SDK1: variants seen among roughly 807,000 people sequenced by gnomAD.
The protein encoded by SDK1 is protein sidekick-1.
In SDK1, 157 loss-of-function variants were observed where a neutral mutation model predicts 245.5. The ratio of observed to expected loss-of-function variants is 0.64; its 90% CI spans 0.56 to 0.73. The LOEUF (loss-of-function observed/expected upper bound fraction) is 0.73, where lower values mean the gene tolerates loss of function less well. Ranked by LOEUF, SDK1 falls within the 30% of genes least tolerant of loss-of-function variation. SDK1 has a pLI of 0.00. For missense variants in SDK1, 3,583 were observed against 3,002.3 expected (o/e 1.19, Z -4.52); for synonymous variants, 1,647 against 1,278.5 (o/e 1.29, Z -6.15).
intron 5 of SDK1, among the ~76,000 whole-genome samples, chr7:3,830,090 C>G (rs17259867): frequency 0.15 from 23,536 of 152,042 alleles, 1,944 homozygotes; most frequent in Middle Eastern, 0.31. Flanking sequence ...GACTGATGTG[C>G]GTGATTACAC....
intron 1 of SDK1, among the ~76,000 whole-genome samples, chr7:3,469,995 C>G (rs1001481148): frequency 6.6e-6 from 1 of 152,168 alleles, no homozygotes; most frequent in East Asian, 1.9e-4. Flanking sequence ...ACACAAAATG[C>G]ATGCAGTAAT....
intron 42 of SDK1, among the ~76,000 whole-genome samples, chr7:4,239,487 C>T (rs1041158799): frequency 6.6e-6 from 1 of 152,238 alleles, no homozygotes; most frequent in African/African-American, 2.4e-5. Flanking sequence ...AATGAGACCA[C>T]TTCTCTGGAT....
rs73288338 is a variant in SDK1 at position 3,315,151 on chromosome 7, A to G, written c.298+13267A>G. Among the ~76,000 whole-genome samples, 900 of 152,312 alleles carry G rather than the reference A, an allele frequency of 5.9e-3. 9 individuals carry two copies. The highest frequency in any genetic ancestry group is 0.021 in the African/African-American group (871 of 41,570). On this transcript the variant is annotated intron_variant, in intron 1 of 44. Coordinates refer to ENST00000404826, the MANE Select transcript of SDK1 (RefSeq NM_152744.4). ...ATGAGAAGACTACAATGTTAGTATT[A>G]AAAAGGATGTTTAGAAGTAGCTCTA...
At chr7:4,009,766 A>C (rs1416451797) in intron 14 of SDK1, among the ~76,000 whole-genome samples, 2 of 152,270 alleles carry the variant, frequency 1.3e-5, no homozygotes, top group Non-Finnish European at 2.9e-5. Flanking sequence ...AATTAGTGAT[A>C]GACACCTCTG....
chr7:3,695,525 T>C (rs927638019), intron 4 of SDK1, among the ~76,000 whole-genome samples: 2 of 152,198 alleles, frequency 1.3e-5, no homozygotes, highest in East Asian at 3.8e-4. Flanking sequence ...ATATCATAGG[T>C]GTTTTCATTT....
intron 36 of SDK1, among the ~76,000 whole-genome samples, chr7:4,207,681 G>C (rs1231862922): frequency 7.2e-5 from 11 of 152,050 alleles, no homozygotes; most frequent in Admixed American, 7.2e-4. Context: ...ACACGGGGCG[G>C]CTTCCCTTCT....
intron 5 of SDK1, among the ~76,000 whole-genome samples, chr7:3,910,929 C>T (rs1276774571): frequency 6.6e-6 from 1 of 152,198 alleles, no homozygotes; most frequent in African/African-American, 2.4e-5. Context: ...TCCTGGGGCC[C>T]TGTGGCTCCT....
Position 3,742,002 on chromosome 7 carries a change from A to ATATATG in SDK1, c.714-79443_714-79442insGTATAT, listed in dbSNP as rs1289423429. On this transcript the variant is annotated intron_variant, in intron 4 of 44. Coordinates refer to ENST00000404826, the MANE Select transcript of SDK1 (RefSeq NM_152744.4). ...TTGTAGTGTGCATATATATATATAT[A>ATATATG]TATATATATATGCTGTATTTTTAAA... Among the ~76,000 whole-genome samples, 16 of 147,732 alleles carry ATATATG rather than the reference A, an allele frequency of 1.1e-4. No homozygotes were observed. In the East Asian group the frequency reaches 3.2e-3, roughly 29 times the overall value.
intron 5 of SDK1, among the ~76,000 whole-genome samples, chr7:3,849,079 C>T (rs1044505848): frequency 1.3e-5 from 2 of 152,326 alleles, no homozygotes; most frequent in South Asian, 2.1e-4. Context: ...TCATACCCGT[C>T]CTTTCTCTGT....
At chr7:4,093,439 T>C (rs1313539749) in intron 22 of SDK1, among the ~76,000 whole-genome samples, 7 of 137,888 alleles carry the variant, frequency 5.1e-5, no homozygotes, top group South Asian at 2.4e-4. Context: ...AAAACTGTTT[T>C]CATTCTGAAA....
intron 13 of SDK1, among the ~76,000 whole-genome samples, chr7:3,982,615 T>C (rs1167710003): frequency 1.3e-5 from 2 of 151,650 alleles, no homozygotes; most frequent in African/African-American, 2.4e-5. Context: ...CTGAGGTGGG[T>C]GGATCACAAG....
In SDK1 at chr7:3,633,546, C is replaced by G. The variant is rs141972867; in HGVS notation, c.459-5458C>G. Among the ~76,000 whole-genome samples the G allele has an allele frequency of 2.6e-3, 398 of 152,090 alleles. 2 individuals are homozygous for G. Among genetic ancestry groups the G allele is most frequent in the African/African-American group, 9.1e-3 (378 of 41,468 alleles). On this transcript the variant is annotated intron_variant, in intron 2 of 44. Coordinates refer to ENST00000404826, the MANE Select transcript of SDK1 (RefSeq NM_152744.4). ...AAATGTGTCCCAGTTTAAGGGGATTCTTTATCTTCCCATGATTTTTAGTGG... is the reference window on the plus strand; with the variant it reads ...AAATGTGTCCCAGTTTAAGGGGATTGTTTATCTTCCCATGATTTTTAGTGG...
At chr7:3,482,783 G>C (rs1010634350) in intron 1 of SDK1, among the ~76,000 whole-genome samples, 1 of 152,134 alleles carries the variant, frequency 6.6e-6, no homozygotes, top group Non-Finnish European at 1.5e-5. Flanking sequence ...CATTACTGAA[G>C]GCAACAAAAC....
intron 5 of SDK1, among the ~76,000 whole-genome samples, chr7:3,896,744 G>A (rs1352924733): frequency 2.6e-5 from 4 of 152,108 alleles, no homozygotes; most frequent in Admixed American, 2.6e-4. Flanking sequence ...TGTTTAAGGT[G>A]GGGGAATAAA....
chr7:3,592,944 G>A (rs1465811897), intron 1 of SDK1, among the ~76,000 whole-genome samples: 1 of 152,190 alleles, frequency 6.6e-6, no homozygotes, highest in Non-Finnish European at 1.5e-5. Flanking sequence ...CTGCAGGCTT[G>A]CAGGGCATTG....
chr7:4,075,843 G>A (rs567530540), intron 20 of SDK1, among the ~76,000 whole-genome samples: 10 of 152,040 alleles, frequency 6.6e-5, no homozygotes, highest in African/African-American at 2.2e-4. Flanking sequence ...TAGTAGAGAC[G>A]GGGTTTCACA....
chr7:3,409,947 G>A (rs1186128052), intron 1 of SDK1, among the ~76,000 whole-genome samples: 2 of 152,094 alleles, frequency 1.3e-5, no homozygotes, highest in Non-Finnish European at 2.9e-5. Context: ...GCCACTATTT[G>A]TTGAGTGCAT....
At chr7:3,715,408 A>G (rs534087102) in intron 4 of SDK1, among the ~76,000 whole-genome samples, 3 of 152,278 alleles carry the variant, frequency 2.0e-5, no homozygotes, top group South Asian at 4.1e-4. Context: ...GCACTAGTCA[A>G]GACTGACAGA....
chr7:3,843,932 GA>G (rs1430760215), intron 5 of SDK1, among the ~76,000 whole-genome samples: 2 of 152,204 alleles, frequency 1.3e-5, no homozygotes, highest in East Asian at 3.8e-4. Context: ...TAGCCCAATA[GA>G]GAATGAAAAT....
Sources: gnomAD v4.1 joint callset for allele counts (sites outside exome capture counted in the v4.1 genomes callset) on GRCh38, gnomAD v4.1.1 for gene constraint, MANE v1.5 for transcripts, NCBI Gene and HGNC (gene_info 2026-07-23, HGNC 2026-07-21) for gene names.